The following FABP12 variants were observed in gnomAD, a reference collection of about 807,000 sequenced individuals.
FABP12 encodes fatty acid-binding protein 12.
A neutral mutation model predicts 13.7 loss-of-function variants in FABP12; 19 were observed. That is an observed-to-expected ratio of 1.39 (90% CI 0.97 to 2.04). FABP12 has a LOEUF of 2.04. Ranked by LOEUF, FABP12 falls within the 30% of genes most tolerant of loss-of-function variation. The pLI, the probability that FABP12 is intolerant of heterozygous loss-of-function variation, is 0.00. For synonymous variants in FABP12, 61 were observed against 57.0 expected (o/e 1.07, Z -0.32); for missense variants, 182 against 164.2 (o/e 1.11, Z -0.59).
chr8:81,560,986 C>T (rs1163473244), intron 1 of FABP12, among the ~76,000 whole-genome samples: 2 of 152,156 alleles, frequency 1.3e-5, no homozygotes, highest in Non-Finnish European at 2.9e-5. Flanking sequence ...GAAGGTGACC[C>T]GGCCACCCTT....
intron 1 of FABP12, among the ~76,000 whole-genome samples, chr8:81,575,309 C>T (rs2130085885): frequency 6.6e-6 from 1 of 152,220 alleles, no homozygotes; most frequent in South Asian, 2.1e-4. Flanking sequence ...CCACTGTGGT[C>T]TGAGAGAGTG....
chr8:81,574,798 T>C (rs1002174785), intron 1 of FABP12, among the ~76,000 whole-genome samples: 5 of 152,104 alleles, frequency 3.3e-5, no homozygotes, highest in Non-Finnish European at 7.4e-5. Context: ...TCGTAATACC[T>C]ACTGTTTTGT....
intron 1 of FABP12, among the ~76,000 whole-genome samples, chr8:81,558,280 C>G (rs1443540788): frequency 6.6e-6 from 1 of 152,180 alleles, no homozygotes. Context: ...AGAGGGGAGT[C>G]TCTTCCATAT....
intron 1 of FABP12, among the ~76,000 whole-genome samples, chr8:81,571,060 T>TC (rs34161315): frequency 0.95 from 144,574 of 152,102 alleles, 68,754 homozygotes; most frequent in East Asian, 1. Context: ...CCCCACTCAG[T>TC]CCCCCCACCC....
At chr8:81,558,319 G>A (rs1419383168) in intron 1 of FABP12, among the ~76,000 whole-genome samples, 1 of 152,172 alleles carries the variant, frequency 6.6e-6, no homozygotes, top group Non-Finnish European at 1.5e-5. Context: ...TGCAATTAGA[G>A]TAAGAATTCT....
chr8:81,568,092 C>T (rs1809861375), intron 1 of FABP12, among the ~76,000 whole-genome samples: 1 of 150,382 alleles, frequency 6.6e-6, no homozygotes, highest in South Asian at 2.1e-4. Flanking sequence ...CACTGCAGTC[C>T]GCAGTCCCGC....
chr8:81,570,554 C>T (rs1404387200), intron 1 of FABP12, among the ~76,000 whole-genome samples: 1 of 152,076 alleles, frequency 6.6e-6, no homozygotes, highest in Admixed American at 6.5e-5. Context: ...GCAGGCAGGT[C>T]GTCCTGACAA....
intron 2 of FABP12, among the ~76,000 whole-genome samples, chr8:81,529,816 G>T (rs1450758188): frequency 6.6e-6 from 1 of 152,102 alleles, no homozygotes; most frequent in Non-Finnish European, 1.5e-5. Flanking sequence ...ACCATGACAT[G>T]TTAAAATAGA....
At chr8:81,534,477 C>G (rs1809173033), upstream of FABP12, among the ~76,000 whole-genome samples, 2 of 152,168 alleles carry the variant, frequency 1.3e-5, no homozygotes, top group African/African-American at 4.8e-5. Context: ...CTAGAAGTTG[C>G]CTCAATCATT....
At chr8:81,579,452 AT>A (rs1810120640) in intron 1 of FABP12, among the ~76,000 whole-genome samples, 1 of 152,142 alleles carries the variant, frequency 6.6e-6, no homozygotes, top group Admixed American at 6.5e-5. Flanking sequence ...GGACTTTTTT[AT>A]TTCTTTATTT....
intron 2 of FABP12, among the ~76,000 whole-genome samples, chr8:81,539,063 G>C (rs1359636220): frequency 6.6e-6 from 1 of 152,038 alleles, no homozygotes; most frequent in Admixed American, 6.6e-5. Context: ...TGGCCAGGCT[G>C]GTCTCAAACT....
intron 1 of FABP12, among the ~76,000 whole-genome samples, chr8:81,577,276 G>T (rs1426313499): frequency 6.6e-6 from 1 of 152,108 alleles, no homozygotes; most frequent in Middle Eastern, 3.2e-3. Flanking sequence ...AGATTATTAA[G>T]ATTATGTATT....
At chr8:81,572,803 G>GT (rs1322982446) in intron 1 of FABP12, among the ~76,000 whole-genome samples, 1 of 151,750 alleles carries the variant, frequency 6.6e-6, no homozygotes, top group Non-Finnish European at 1.5e-5. Context: ...GTGATTGTTT[G>GT]TTTTTTTCTC....
chr8:81,546,234 A>G (rs189959289), intron 1 of FABP12, among the ~76,000 whole-genome samples: 173 of 152,314 alleles, frequency 1.1e-3, no homozygotes, highest in African/African-American at 3.8e-3. Flanking sequence ...CAGAAAAGAG[A>G]TGAAAACCTG....
intron 4 of FABP12, among the ~76,000 whole-genome samples, chr8:81,525,510 C>T (rs1407943027): frequency 3.6e-5 from 5 of 139,196 alleles, no homozygotes; most frequent in Non-Finnish European, 7.6e-5. Context: ...AGTAAGACTC[C>T]GTCTCAAAAA....
rs116576379 is a variant in FABP12 at position 81,573,441 on chromosome 8, T to C, written c.-185+16612A>G. Among the ~76,000 whole-genome samples, 1,038 of 152,308 alleles carry C rather than the reference T, an allele frequency of 6.8e-3. 11 individuals carry two copies. Among genetic ancestry groups the C allele is most frequent in the South Asian group, 0.021 (102 of 4,824 alleles). On this transcript the variant is annotated intron_variant, in intron 1 of 5. Transcript: ENST00000692030. ...TGCTTTTGGCTATGCAGGCTCTTTT[T>C]TGACTCCATATGAAGTTTAGAATTG...
chr8:81,557,309 T>G (rs534834476), intron 1 of FABP12, among the ~76,000 whole-genome samples: 1 of 152,230 alleles, frequency 6.6e-6, no homozygotes, highest in Non-Finnish European at 1.5e-5. Flanking sequence ...TTTCCTGATA[T>G]GGACAAAGTA....
chr8:81,529,539 C>T (rs957256409), exon 3 of FABP12: 2 of 1,613,728 alleles, frequency 1.2e-6, no homozygotes, highest in African/African-American at 1.3e-5. Context: ...ATTGTGATGA[C>T]ATCTCCATCT....
intron 1 of FABP12, among the ~76,000 whole-genome samples, chr8:81,584,269 C>G (rs1440659408): frequency 6.6e-6 from 1 of 152,160 alleles, no homozygotes; most frequent in African/African-American, 2.4e-5. Flanking sequence ...TGTTAGACTG[C>G]AGGAGGTGAG....
Sources: allele counts gnomAD v4.1 joint callset (sites outside exome capture counted in the v4.1 genomes callset), GRCh38; gene constraint gnomAD v4.1.1; transcripts MANE v1.5; gene names NCBI Gene and HGNC (gene_info 2026-07-23, HGNC 2026-07-21).